Variants in LINGO1 observed in about 807,000 individuals in gnomAD.
The protein encoded by LINGO1 is leucine-rich repeat and immunoglobulin-like domain-containing nogo receptor-interacting protein 1.
Under a neutral mutation model 37.3 loss-of-function variants are expected in LINGO1, and 11 were observed. The ratio of observed to expected loss-of-function variants is 0.29; its 90% confidence interval spans 0.19 to 0.49. The LOEUF (loss-of-function observed/expected upper bound fraction) is 0.49. LINGO1 is among the 20% of genes least tolerant of loss of function. LINGO1 has a pLI of 0.99. For missense variants in LINGO1, 585 were observed against 878.2 expected (o/e 0.67, Z 4.22); for synonymous variants, 387 against 403.0 (o/e 0.96, Z 0.48).
At chr15:77,729,771 C>T (rs955014737) in intron 2 of LINGO1, among the ~76,000 whole-genome samples, 12 of 152,300 alleles carry the variant, frequency 7.9e-5, no homozygotes, top group Non-Finnish European at 1.5e-4. Context: ...CTGATAGTTC[C>T]CTTTTCATTC....
At chr15:77,761,109 T>G (rs2076472770) in intron 1 of LINGO1, among the ~76,000 whole-genome samples, 2 of 150,522 alleles carry the variant, frequency 1.3e-5, no homozygotes, top group South Asian at 4.2e-4. Flanking sequence ...TTTTTTTTTG[T>G]ATTTTTAGTA....
At chr15:77,637,660 T>C (rs563381380), upstream of LINGO1, among the ~76,000 whole-genome samples, 2 of 152,242 alleles carry the variant, frequency 1.3e-5, no homozygotes, top group South Asian at 2.1e-4. This position sits in a 1 kb window ranked among gnomAD's most constrained non-coding sequence, Gnocchi z 4.6. Context: ...CTGACTGTCA[T>C]GGTCACTGGC....
Position 77,775,401 on chromosome 15 carries a change from A to G in LINGO1, c.-257+11468T>C, listed in dbSNP as rs1247505752. On this transcript the variant is annotated intron_variant, in intron 1 of 3. Transcript: ENST00000561686. The stretch of plus-strand genomic sequence containing the variant: ...GCAGCCCCTGAGCCTACCACTACCC[A>G]GTTTGCAGGTCCCGGTCTCTCCTGC... Among the ~76,000 whole-genome samples, 4 of 152,078 alleles carry G rather than the reference A, an allele frequency of 2.6e-5. No individual in the cohort carries two copies. In the East Asian group the frequency reaches 7.7e-4, roughly 29 times the overall value.
At chr15:77,814,096 T>C (rs1338188168) in intron 1 of LINGO1, among the ~76,000 whole-genome samples, 3 of 152,130 alleles carry the variant, frequency 2.0e-5, no homozygotes, top group Non-Finnish European at 4.4e-5. Flanking sequence ...CAGCTGAGAC[T>C]GGCTACCAGT....
At chr15:77,624,941 A>G (rs1332549307) in intron 1 of LINGO1, among the ~76,000 whole-genome samples, 1 of 152,104 alleles carries the variant, frequency 6.6e-6, no homozygotes, top group Non-Finnish European at 1.5e-5. Context: ...CGGGGACAGG[A>G]AGATGCCCCT....
At chr15:77,644,338 C>T (rs1477554482) in intron 3 of LINGO1, among the ~76,000 whole-genome samples, 1 of 152,292 alleles carries the variant, frequency 6.6e-6, no homozygotes, top group Admixed American at 6.5e-5. Context: ...CGGGCTGTGC[C>T]CTCTCTCTCT....
At chr15:77,739,125 C>G (rs151212801) in intron 1 of LINGO1, among the ~76,000 whole-genome samples, 16 of 152,240 alleles carry the variant, frequency 1.1e-4, no homozygotes, top group African/African-American at 3.9e-4. Context: ...GCCTTGGGGG[C>G]GGCCGGCAGC....
chr15:77,760,246 ATG>A (rs998000082), intron 1 of LINGO1, among the ~76,000 whole-genome samples: 3 of 152,128 alleles, frequency 2.0e-5, no homozygotes, highest in African/African-American at 7.2e-5. Context: ...CAGGCTGAAT[ATG>A]GAGAGGCTCA....
intron 3 of LINGO1, among the ~76,000 whole-genome samples, chr15:77,672,867 C>T (rs2075273891): frequency 1.3e-5 from 2 of 152,210 alleles, no homozygotes; most frequent in African/African-American, 2.4e-5. Flanking sequence ...CCCCTCCTCA[C>T]ACCAACTCTG....
At position 77,719,772 on chromosome 15, in the gene LINGO1, A is replaced by T. The variant is rs574085113; in HGVS notation, c.-195+15220T>A. Among the ~76,000 whole-genome samples the T allele has an allele frequency of 3.7e-5, 5 of 134,096 alleles. No homozygotes were observed. The South Asian group carries it at 1.3e-3, about 34-fold the overall frequency. The allele number at this position is 134,096 out of a possible 152,430, so 88.0% of individuals were successfully genotyped here. On this transcript the variant is annotated intron_variant, in intron 2 of 3. Transcript: ENST00000561686. ...CACACACTCACATTCACACACTCAC[A>T]CATACACAAACTCACATTCACACAC...
At chr15:77,701,953 T>C (rs757709289) in intron 2 of LINGO1, among the ~76,000 whole-genome samples, 20 of 152,034 alleles carry the variant, frequency 1.3e-4, no homozygotes, top group Admixed American at 9.8e-4. Context: ...TTTGGGGGTG[T>C]GGTTTAAGAG....
At chr15:77,745,435 A>G (rs1276703592) in intron 1 of LINGO1, among the ~76,000 whole-genome samples, 1 of 151,966 alleles carries the variant, frequency 6.6e-6, no homozygotes, top group Non-Finnish European at 1.5e-5. Flanking sequence ...AAAAGAAAAA[A>G]AAAAAAAAAA....
At chr15:77,687,160 C>T (rs1006971883) in intron 2 of LINGO1, among the ~76,000 whole-genome samples, 10 of 152,130 alleles carry the variant, frequency 6.6e-5, no homozygotes, top group Non-Finnish European at 1.5e-4. Context: ...CGAATCAAGG[C>T]TCTGTGCGTG....
intron 1 of LINGO1, among the ~76,000 whole-genome samples, chr15:77,631,961 G>A (rs2141077917): frequency 6.6e-6 from 1 of 152,260 alleles, no homozygotes; most frequent in African/African-American, 2.4e-5. Flanking sequence ...CCCACCCAGG[G>A]CTGAGCAGGG....
intron 1 of LINGO1, among the ~76,000 whole-genome samples, chr15:77,692,307 G>T (rs529286447): frequency 5.9e-5 from 9 of 152,272 alleles, no homozygotes; most frequent in African/African-American, 2.2e-4. Flanking sequence ...GTAACCTGGG[G>T]CCACGTCTAC....
intron 1 of LINGO1, among the ~76,000 whole-genome samples, chr15:77,691,806 C>T (rs1032658840): frequency 3.3e-5 from 5 of 151,960 alleles, no homozygotes; most frequent in East Asian, 3.9e-4. Context: ...CCGGTAGTGA[C>T]GCTGAGTAAT....
intron 1 of LINGO1, among the ~76,000 whole-genome samples, chr15:77,629,392 ACT>A (rs1399496835): frequency 2.0e-5 from 3 of 151,860 alleles, no homozygotes; most frequent in Non-Finnish European, 2.9e-5. Flanking sequence ...GCCTTCTCAC[ACT>A]CTTTCTACAA....
At chr15:77,685,485 A>G (rs2075491732) in intron 2 of LINGO1, among the ~76,000 whole-genome samples, 1 of 152,182 alleles carries the variant, frequency 6.6e-6, no homozygotes, top group South Asian at 2.1e-4. Flanking sequence ...CCTGTGTACC[A>G]GTGAACTTGT....
chr15:77,749,836 A>G (rs2076353052), intron 1 of LINGO1, among the ~76,000 whole-genome samples: 2 of 152,170 alleles, frequency 1.3e-5, no homozygotes, highest in African/African-American at 2.4e-5. Context: ...CTGGAGCCCA[A>G]GGGCCAGCTT....
Sources: allele counts gnomAD v4.1 joint callset (sites outside exome capture counted in the v4.1 genomes callset), GRCh38; gene constraint gnomAD v4.1.1; non-coding constraint Gnocchi (gnomAD v3.1); transcripts MANE v1.5; gene names NCBI Gene and HGNC (gene_info 2026-07-23, HGNC 2026-07-21).